SLC9B2: variants seen among roughly 807,000 people sequenced by gnomAD.
The protein encoded by SLC9B2 is sodium/hydrogen exchanger 9B2.
In SLC9B2, 39 loss-of-function variants were observed where a neutral mutation model predicts 52.2. The ratio of observed to expected loss-of-function variants is 0.75; its 90% CI spans 0.58 to 0.98. The LOEUF (loss-of-function observed/expected upper bound fraction) is 0.98. Among genes scored for constraint, SLC9B2 ranks in the 50% least tolerant of loss-of-function variants. SLC9B2 has a pLI of 0.00. For synonymous variants in SLC9B2, 214 were observed against 227.0 expected (o/e 0.94, Z 0.51); for missense variants, 626 against 637.5 (o/e 0.98, Z 0.19).
rs1186072736 is a variant in SLC9B2, at chr4:103,045,192, A to T, written c.890-196T>A. The stretch of plus-strand genomic sequence containing the variant: ...ATATAGGATTTAGGAAACTTTAATT[A>T]AAAAAAATTTTTTGTTAGCACATTG... On this transcript the variant is annotated intron_variant, in intron 7 of 11. Coordinates refer to ENST00000394785, the MANE Select transcript of SLC9B2 (RefSeq NM_178833.7). Among the ~76,000 whole-genome samples, 5 of 152,094 alleles carry T rather than the reference A, an allele frequency of 3.3e-5. 1 individual carries two copies. The highest frequency in any genetic ancestry group is 3.8e-4 in the East Asian group (2 of 5,200).
At chr4:103,029,011 A>C in intron 10 of SLC9B2, 128 bp from the exon 11 acceptor site, 2 of 755,596 alleles carry the variant, frequency 2.6e-6, no homozygotes, top group South Asian at 2.4e-5. Flanking sequence ...AAATACAAAA[A>C]TGTTTAGGAA....
At chr4:103,048,691 T>C (rs1248501392) in intron 6 of SLC9B2, 4 of 542,600 alleles carry the variant, frequency 7.4e-6, no homozygotes, top group Middle Eastern at 5.6e-4. Context: ...ACAGTTTGAA[T>C]AGTAGGTGCT....
chr4:103,026,277 C>T lies in SLC9B2; in HGVS notation c.*93G>A. On this transcript the variant is annotated 3_prime_UTR_variant, in exon 12 of 12. Transcript: ENST00000394785. ...AACAGCTACACTTTTGGTTCTATTA[C>T]ATTTTAAGCTTAAACATTACATATT... The T allele has an allele frequency of 1.0e-5, 12 of 1,195,874 alleles. 1 individual carries two copies. The highest frequency in any genetic ancestry group is 1.4e-5 in the Non-Finnish European group (12 of 852,668). The allele number at this position is 1,195,874 out of a possible 1,614,324, so 74.1% of individuals were successfully genotyped here. A position where few individuals can be genotyped will look rare whatever the true frequency, so the allele number is the denominator to read the frequency against.
chr4:103,066,615 G>C, intron 2 of SLC9B2, 108 bp from the exon 3 acceptor site: 3 of 1,051,024 alleles, frequency 2.9e-6, no homozygotes, highest in Non-Finnish European at 4.0e-6. Flanking sequence ...CTAGCATCAA[G>C]GATAACACTT....
At position 103,057,922 on chromosome 4, in the gene SLC9B2, A is replaced by G; in HGVS notation, c.321T>C (p.Ser107=). 6.2e-7 allele frequency: 1 copy of G among 1,614,010 alleles called. No homozygotes were observed. Among genetic ancestry groups the G allele is most frequent in the Non-Finnish European group, 8.5e-7 (1 of 1,179,956 alleles). The change falls in exon 4 of 12, where the codon AGT becomes AGC. Residue 107 remains serine (S), a synonymous_variant. Coordinates refer to ENST00000394785, the MANE Select transcript of SLC9B2 (RefSeq NM_178833.7). ...LWAVVWSITG[S]ECLPGGNLFG... is the part of the protein sequence containing the mutation. ...ATAGGTTTCCTCCAGGAAGACATTCACTGCCAGTAATTGACCAAACTACAG... is the reference window on the plus strand; with the variant it reads ...ATAGGTTTCCTCCAGGAAGACATTCGCTGCCAGTAATTGACCAAACTACAG...
At chr4:103,040,524 T>C (rs1401254631) in intron 9 of SLC9B2, among the ~76,000 whole-genome samples, 1 of 152,202 alleles carries the variant, frequency 6.6e-6, no homozygotes, top group African/African-American at 2.4e-5. Context: ...ATAAACAAAA[T>C]GGAGTCATTG....
rs138344696 is a variant in SLC9B2, at chr4:103,031,178, G to A, written c.1255+522C>T. Among the ~76,000 whole-genome samples, 194 of 152,242 alleles carry A rather than the reference G, an allele frequency of 1.3e-3. No individual in the cohort carries two copies. The Middle Eastern group carries it at 0.017, about 13-fold the overall frequency. On this transcript the variant is annotated intron_variant, in intron 10 of 11. Coordinates refer to ENST00000394785, the MANE Select transcript of SLC9B2 (RefSeq NM_178833.7). ...GGATGGAAGAATACTGTGATGGAAG[G>A]AAAGAAGGAAATAATGAGTACATAT...
intron 4 of SLC9B2, among the ~76,000 whole-genome samples, chr4:103,055,941 C>T (rs1051343373): frequency 6.0e-5 from 9 of 150,548 alleles, no homozygotes; most frequent in Non-Finnish European, 1.2e-4. Flanking sequence ...GTAGCTGGGA[C>T]TACAGGTGCC....
intron 9 of SLC9B2, chr4:103,042,392 C>A (rs1425463501): frequency 6.6e-6 from 1 of 151,928 alleles, no homozygotes; most frequent in Non-Finnish European, 1.5e-5. Flanking sequence ...AAAAATGAAT[C>A]TGAAAATTAA....
chr4:103,046,040 T>C (rs2110608587), intron 7 of SLC9B2, among the ~76,000 whole-genome samples: 1 of 152,256 alleles, frequency 6.6e-6, no homozygotes, highest in Admixed American at 6.5e-5. Flanking sequence ...ATGAAAACAA[T>C]GTTTTAAGAA....
At chr4:103,058,512 C>T (rs1745353656) in intron 3 of SLC9B2, among the ~76,000 whole-genome samples, 1 of 152,224 alleles carries the variant, frequency 6.6e-6, no homozygotes, top group South Asian at 2.1e-4. Flanking sequence ...ATCATCCTGC[C>T]TCAGCCTCTC....
rs1214754230 is a variant in SLC9B2 at position 103,066,387 on chromosome 4, T to C, written c.211A>G (p.Arg71Gly). The C allele has an allele frequency of 6.2e-7, 1 of 1,614,154 alleles. No homozygotes were observed. The highest frequency in any genetic ancestry group is 1.1e-5 in the South Asian group (1 of 91,082). The change falls in exon 3 of 12, where the codon AGA (arginine) becomes GGA (glycine). Residue 71 changes from arginine (R) to glycine (G), a missense_variant. By Grantham distance (125) the Arg-to-Gly change is moderately radical. Coordinates refer to ENST00000394785, the MANE Select transcript of SLC9B2 (RefSeq NM_178833.7). ...ETPTEANHVQRLRQMLACPPH... is the reference protein window; with the variant it reads ...ETPTEANHVQGLRQMLACPPH... The stretch of plus-strand genomic sequence containing the variant: ...GGGCAAGCCAGCATTTGTCTCAGTC[T>C]TTGTACGTGATTTGCTTCAGTTGGT...
intron 9 of SLC9B2, among the ~76,000 whole-genome samples, chr4:103,040,622 G>C (rs1743550685): frequency 6.6e-6 from 1 of 152,122 alleles, no homozygotes; most frequent in Non-Finnish European, 1.5e-5. Context: ...GTATCTTACA[G>C]ATGGATAATC....
downstream of SLC9B2, chr4:103,019,641 A>G (rs1053609839): frequency 4.1e-6 from 4 of 985,354 alleles, no homozygotes; most frequent in African/African-American, 7.0e-5. Context: ...GGAGCGGCCC[A>G]GGAGCCCAGT....
intron 9 of SLC9B2, among the ~76,000 whole-genome samples, chr4:103,037,847 A>T (rs1210377185): frequency 6.6e-6 from 1 of 151,534 alleles, no homozygotes; most frequent in African/African-American, 2.4e-5. Context: ...TGAGTATATT[A>T]TAGCTAAAGG....
intron 9 of SLC9B2, among the ~76,000 whole-genome samples, chr4:103,032,676 A>G (rs1285280309): frequency 3.3e-5 from 5 of 152,090 alleles, no homozygotes; most frequent in Non-Finnish European, 7.4e-5. Context: ...GGGTCCTACA[A>G]TTCATGCAAC....
At chr4:103,059,251 G>GAAA (rs1745424682) in intron 3 of SLC9B2, among the ~76,000 whole-genome samples, 1 of 152,150 alleles carries the variant, frequency 6.6e-6, no homozygotes, top group Non-Finnish European at 1.5e-5. Flanking sequence ...ACTGACATTT[G>GAAA]TGTCCCATAC....
chr4:103,069,481 T>C (rs1414434571), intron 1 of SLC9B2, among the ~76,000 whole-genome samples: 1 of 152,252 alleles, frequency 6.6e-6, no homozygotes, highest in Non-Finnish European at 1.5e-5. Context: ...GAGACAAGAA[T>C]AGTTCTAACT....
chr4:103,043,565 C>T (rs998904803), intron 8 of SLC9B2, 120 bp from the exon 9 acceptor site: 2 of 906,850 alleles, frequency 2.2e-6, no homozygotes, highest in African/African-American at 1.7e-5. Context: ...TATAAATAGA[C>T]AAAACAAGTG....
Sources: gnomAD v4.1 joint callset for allele counts (sites outside exome capture counted in the v4.1 genomes callset) on GRCh38, gnomAD v4.1.1 for gene constraint, MANE v1.5 for transcripts, NCBI Gene and HGNC (gene_info 2026-07-23, HGNC 2026-07-21) for gene names.